The following RBKS variants were observed in gnomAD, a reference collection of about 807,000 sequenced individuals.
RBKS encodes the protein ribokinase.
A neutral mutation model predicts 33.9 loss-of-function variants in RBKS; 33 were observed. That is an observed-to-expected ratio of 0.97 (90% CI 0.74 to 1.30). The LOEUF is 1.30. RBKS is among the 50% of genes most tolerant of loss of function. RBKS has a pLI of 0.00. For missense variants in RBKS, 361 were observed against 392.6 expected (o/e 0.92, Z 0.68); for synonymous variants, 125 against 143.0 (o/e 0.87, Z 0.90).
chr2:27,882,790 G>A (rs1475088699), intron 1 of RBKS, among the ~76,000 whole-genome samples: 1 of 152,158 alleles, frequency 6.6e-6, no homozygotes, highest in Non-Finnish European at 1.5e-5. Flanking sequence ...ACATGATGGA[G>A]CTGGAGGCCA....
At chr2:27,809,734 G>T in intron 7 of RBKS, 1 of 333,192 alleles carries the variant, frequency 3.0e-6, no homozygotes, top group Non-Finnish European at 5.7e-6. Context: ...TTATTTCAGT[G>T]AGAGGTACTT....
rs187963130 is a variant in RBKS at position 27,874,078 on chromosome 2, C to T, written c.90-15507G>A. Among the ~76,000 whole-genome samples, 11 of 152,290 alleles carry T rather than the reference C, an allele frequency of 7.2e-5. No individual in the cohort carries two copies. In the East Asian group the frequency reaches 1.7e-3, roughly 24 times the overall value. ...GAATTTAAGGCCTCAAACGTGTCTTCAATCAGTTGTCATAAGAGGAACCTT... is the reference window on the plus strand; with the variant it reads ...GAATTTAAGGCCTCAAACGTGTCTTTAATCAGTTGTCATAAGAGGAACCTT... On this transcript the variant is annotated intron_variant, in intron 1 of 7. Transcript: ENST00000302188.
intron 5 of RBKS, among the ~76,000 whole-genome samples, chr2:27,834,159 T>A (rs1364269055): frequency 1.3e-5 from 2 of 152,218 alleles, no homozygotes; most frequent in African/African-American, 4.8e-5. Context: ...GAGATGCTAA[T>A]CAGCACGTGG....
intron 7 of RBKS, among the ~76,000 whole-genome samples, chr2:27,783,646 G>C (rs1369270616): frequency 6.6e-6 from 1 of 152,046 alleles, no homozygotes; most frequent in East Asian, 2.0e-4. Flanking sequence ...AGTGGCTCAC[G>C]CCTGTAATCC....
intron 2 of RBKS, among the ~76,000 whole-genome samples, chr2:27,849,431 C>T (rs943042235): frequency 2.6e-5 from 4 of 151,424 alleles, no homozygotes; most frequent in Admixed American, 6.6e-5. Flanking sequence ...GGTGTGGTGG[C>T]GCACGCCTGT....
At chr2:27,824,121 A>G (rs1212295826) in intron 7 of RBKS, among the ~76,000 whole-genome samples, 1 of 152,240 alleles carries the variant, frequency 6.6e-6, no homozygotes, top group Non-Finnish European at 1.5e-5. Context: ...TTTCATAGAA[A>G]TAAAATCATA....
At chr2:27,789,372 G>A (rs187904954) in intron 7 of RBKS, among the ~76,000 whole-genome samples, 4 of 150,672 alleles carry the variant, frequency 2.7e-5, no homozygotes, top group Non-Finnish European at 5.9e-5. Flanking sequence ...GGATCAGGTC[G>A]GCACTAAAAA....
chr2:27,826,639 C>G (rs1410489615), intron 7 of RBKS, among the ~76,000 whole-genome samples: 1 of 152,164 alleles, frequency 6.6e-6, no homozygotes, highest in Non-Finnish European at 1.5e-5. Flanking sequence ...ATCTCTTGAC[C>G]TCATGATCCG....
chr2:27,800,949 C>T (rs1279689337), intron 7 of RBKS, among the ~76,000 whole-genome samples: 1 of 152,146 alleles, frequency 6.6e-6, no homozygotes, highest in Non-Finnish European at 1.5e-5. Flanking sequence ...CTGAGAGAGG[C>T]GTCTGGACAG....
intron 1 of RBKS, among the ~76,000 whole-genome samples, chr2:27,878,357 A>G (rs1423319520): frequency 6.6e-6 from 1 of 151,668 alleles, no homozygotes; most frequent in Non-Finnish European, 1.5e-5. Flanking sequence ...AAAGGACATG[A>G]ACTCATCATT....
chr2:27,821,915 C>T (rs968258571), intron 7 of RBKS, among the ~76,000 whole-genome samples: 1 of 152,120 alleles, frequency 6.6e-6, no homozygotes, highest in Admixed American at 6.5e-5. Flanking sequence ...CAAGTGTTGC[C>T]AGTAAACAGT....
intron 1 of RBKS, among the ~76,000 whole-genome samples, chr2:27,877,795 T>C (rs918618501): frequency 2.0e-5 from 3 of 152,344 alleles, no homozygotes; most frequent in South Asian, 4.1e-4. Context: ...TTTAAGCTTT[T>C]TCCTCTTTTT....
chr2:27,876,974 T>C (rs1176843216), intron 1 of RBKS, among the ~76,000 whole-genome samples: 1 of 152,176 alleles, frequency 6.6e-6, no homozygotes, highest in Admixed American at 6.5e-5. Flanking sequence ...GCAAATCCAG[T>C]ACATGTCAAA....
chr2:27,805,299 T>C (rs1251775202), intron 7 of RBKS, among the ~76,000 whole-genome samples: 2 of 152,258 alleles, frequency 1.3e-5, no homozygotes, highest in African/African-American at 4.8e-5. Flanking sequence ...TCCATAGACC[T>C]GATTTTCTTG....
At chr2:27,820,187 A>G (rs571823064) in intron 7 of RBKS, among the ~76,000 whole-genome samples, 3 of 152,356 alleles carry the variant, frequency 2.0e-5, no homozygotes, top group Admixed American at 2.0e-4. Context: ...AAAGTAATAC[A>G]TGAAAAATAC....
chr2:27,811,728 G>A (rs1400245734), intron 7 of RBKS, among the ~76,000 whole-genome samples: 1 of 152,134 alleles, frequency 6.6e-6, no homozygotes, highest in Non-Finnish European at 1.5e-5. Context: ...TTTTCCCAGA[G>A]TCCAAAAACA....
At chr2:27,792,186 A>C (rs780275999) in intron 7 of RBKS, among the ~76,000 whole-genome samples, 2 of 152,216 alleles carry the variant, frequency 1.3e-5, no homozygotes, top group Non-Finnish European at 2.9e-5. Flanking sequence ...CCTTATATTG[A>C]GAGCTCCAAT....
chr2:27,816,433 G>C (rs4420671), intron 7 of RBKS, among the ~76,000 whole-genome samples: 40,969 of 151,892 alleles, frequency 0.27, 6,470 homozygotes, highest in East Asian at 0.63. Context: ...CCACCAGAGT[G>C]TGCAGAGTTT....
intron 1 of RBKS, among the ~76,000 whole-genome samples, chr2:27,862,079 C>T (rs1412674238): frequency 6.6e-6 from 1 of 151,358 alleles, no homozygotes; most frequent in Non-Finnish European, 1.5e-5. Flanking sequence ...TCCCAGAGAG[C>T]TGGGACCACA....
Sources: gnomAD v4.1 joint callset for allele counts (sites outside exome capture counted in the v4.1 genomes callset) on GRCh38, gnomAD v4.1.1 for gene constraint, MANE v1.5 for transcripts, NCBI Gene and HGNC (gene_info 2026-07-23, HGNC 2026-07-21) for gene names.